The following MARCHF8 variants were observed in gnomAD, a reference collection of about 807,000 sequenced individuals.
MARCHF8 encodes the protein membrane associated ring-CH-type finger 8, also known as E3 ubiquitin-protein ligase MARCHF8.
Under a neutral mutation model 51.6 loss-of-function variants are expected in MARCHF8, and 40 were observed. That is an observed-to-expected ratio of 0.77 (90% CI 0.60 to 1.01). MARCHF8 has a LOEUF of 1.01. Ranked by LOEUF, MARCHF8 falls within the 50% of genes least tolerant of loss-of-function variation. The pLI, the probability that MARCHF8 is intolerant of heterozygous loss-of-function variation, is 0.00. For synonymous variants in MARCHF8, 263 were observed against 280.3 expected (o/e 0.94, Z 0.62); for missense variants, 685 against 708.6 (o/e 0.97, Z 0.38).
Position 45,507,725 on chromosome 10 carries a change from G to A in MARCHF8, c.103-18308C>T, listed in dbSNP as rs147730300. On this transcript the variant is annotated intron_variant, in intron 2 of 7. Transcript: ENST00000453424. Reference sequence around the variant, plus strand: ...GACAAATATCCAAACTACATCAGCTGTAAAGGACAAAAATTGATATAGAAA... The same window carrying A: ...GACAAATATCCAAACTACATCAGCTATAAAGGACAAAAATTGATATAGAAA... 3.8e-3 allele frequency among the ~76,000 whole-genome samples: 569 copies of A among 151,224 alleles called. 7 individuals carry two copies. The highest frequency in any genetic ancestry group is 0.013 in the African/African-American group (528 of 41,172).
At chr10:45,512,290 A>C (rs1399714938) in intron 2 of MARCHF8, among the ~76,000 whole-genome samples, 1 of 141,716 alleles carries the variant, frequency 7.1e-6, no homozygotes, top group African/African-American at 2.7e-5. Flanking sequence ...CCCGGCAGCC[A>C]CCCCGTCTGG....
chr10:45,515,568 C>A (rs2043604382), intron 2 of MARCHF8, among the ~76,000 whole-genome samples: 1 of 152,168 alleles, frequency 6.6e-6, no homozygotes, highest in Non-Finnish European at 1.5e-5. Context: ...TTATACTATT[C>A]CACAGTAGAT....
At chr10:45,460,088 A>T (rs1842741207) in intron 6 of MARCHF8, among the ~76,000 whole-genome samples, 1 of 152,184 alleles carries the variant, frequency 6.6e-6, no homozygotes, top group Non-Finnish European at 1.5e-5. Context: ...ACTGGGCAAA[A>T]CATTTTTTTA....
At chr10:45,467,210 G>A (rs72796494) in intron 3 of MARCHF8, among the ~76,000 whole-genome samples, 2,390 of 152,274 alleles carry the variant, frequency 0.016, 26 homozygotes, top group Non-Finnish European at 0.026. Flanking sequence ...AGGTATGTCC[G>A]ATCCTCATCA....
chr10:45,532,923 G>C (rs1464086178), intron 2 of MARCHF8, among the ~76,000 whole-genome samples, 187 bp downstream of exon 2: 1 of 152,142 alleles, frequency 6.6e-6, no homozygotes. Context: ...ATAAACAGTA[G>C]TTTACACCAA....
chr10:45,473,406 CAG>C (rs2042729855), intron 3 of MARCHF8, among the ~76,000 whole-genome samples: 2 of 152,236 alleles, frequency 1.3e-5, no homozygotes, highest in South Asian at 4.1e-4. Flanking sequence ...AGGGGGCTGG[CAG>C]AGAGATACTC....
In MARCHF8 at chr10:45,529,226, T is replaced by C. The variant is rs1072740; in HGVS notation, c.102+3884A>G. On this transcript the variant is annotated intron_variant, in intron 2 of 7. Transcript: ENST00000453424. Reference sequence around the variant, plus strand: ...ACTAGTGGAAGAACACCCTATTCTATACATGATACTTGGGAGAATTGGGTA... The same window carrying C: ...ACTAGTGGAAGAACACCCTATTCTACACATGATACTTGGGAGAATTGGGTA... 4.8e-3 allele frequency among the ~76,000 whole-genome samples: 735 copies of C among 152,304 alleles called. 4 individuals are homozygous for C. The highest frequency in any genetic ancestry group is 0.017 in the African/African-American group (710 of 41,566).
chr10:45,545,251 C>G (rs763605895), intron 1 of MARCHF8, among the ~76,000 whole-genome samples: 2 of 152,240 alleles, frequency 1.3e-5, no homozygotes, highest in Non-Finnish European at 2.9e-5. Flanking sequence ...TTGTATCTCT[C>G]TTTCTGTGGC....
At chr10:45,508,361 AAAC>A (rs2043427273) in intron 2 of MARCHF8, among the ~76,000 whole-genome samples, 2 of 151,426 alleles carry the variant, frequency 1.3e-5, no homozygotes, top group Admixed American at 1.3e-4. Flanking sequence ...AAAGTACTGG[AAAC>A]AATTGTGTTT....
chr10:45,499,764 G>C (rs1417470695), intron 2 of MARCHF8, among the ~76,000 whole-genome samples: 1 of 151,970 alleles, frequency 6.6e-6, no homozygotes, highest in African/African-American at 2.4e-5. Flanking sequence ...CTTTATTTCT[G>C]GGACTCTCTA....
intron 3 of MARCHF8, among the ~76,000 whole-genome samples, chr10:45,478,965 T>C (rs553800726): frequency 1.0e-3 from 158 of 152,164 alleles, no homozygotes; most frequent in Non-Finnish European, 1.9e-3. Context: ...TCCAAAAAAC[T>C]GAAGAAGAGA....
chr10:45,507,923 T>G (rs1433931365), intron 2 of MARCHF8, among the ~76,000 whole-genome samples: 1 of 152,216 alleles, frequency 6.6e-6, no homozygotes, highest in Non-Finnish European at 1.5e-5. Context: ...AAAATTTTCT[T>G]GGATTATTGA....
chr10:45,459,780 G>A (rs1842727849), intron 6 of MARCHF8: 2 of 985,254 alleles, frequency 2.0e-6, no homozygotes, highest in African/African-American at 1.7e-5. Flanking sequence ...GCTCGAAATC[G>A]ACGCTAAGAG....
rs573560762 is a variant in MARCHF8 at position 45,503,863 on chromosome 10, G to A, written c.103-14446C>T. On this transcript the variant is annotated intron_variant, in intron 2 of 7. Transcript: ENST00000453424. ...ACATTATGCTATGTATGTAAAAGAAGCCAGTAGCAAAAGATCATATATTAT... is the reference window on the plus strand; with the variant it reads ...ACATTATGCTATGTATGTAAAAGAAACCAGTAGCAAAAGATCATATATTAT... Among the ~76,000 whole-genome samples, 4 of 151,770 alleles carry A rather than the reference G, an allele frequency of 2.6e-5. No individual in the cohort carries two copies. In the South Asian group the frequency reaches 6.2e-4, roughly 24 times the overall value.
rs2132890639 is a variant in MARCHF8, at chr10:45,456,161, C to T, written c.*2078G>A. ...AACCAGGGGCCTTGCCTGGGCAGTTCCTAAGGGACATTGGCAGGGCTGACC... is the reference window on the plus strand; with the variant it reads ...AACCAGGGGCCTTGCCTGGGCAGTTTCTAAGGGACATTGGCAGGGCTGACC... On this transcript the variant is annotated 3_prime_UTR_variant, in exon 8 of 8. Coordinates refer to ENST00000453424, the MANE Select transcript of MARCHF8 (RefSeq NM_001282866.2). The T allele has an allele frequency of 6.6e-6, 1 of 152,466 alleles. No individual in the cohort carries two copies. Among genetic ancestry groups the T allele is most frequent in the East Asian group, 1.9e-4 (1 of 5,186 alleles). The allele number at this position is 152,466 out of a possible 1,614,324, so 9.4% of individuals were successfully genotyped here. A position where few individuals can be genotyped will look rare whatever the true frequency, so the allele number is the denominator to read the frequency against.
At chr10:45,574,819 T>C (rs573322486) in intron 1 of MARCHF8, among the ~76,000 whole-genome samples, 15 of 152,152 alleles carry the variant, frequency 9.9e-5, no homozygotes, top group Admixed American at 5.2e-4. Flanking sequence ...ACCTGATGCA[T>C]ATACTTTCTG....
intron 2 of MARCHF8, among the ~76,000 whole-genome samples, chr10:45,532,706 C>G (rs950587534): frequency 6.6e-6 from 1 of 152,142 alleles, no homozygotes; most frequent in African/African-American, 2.4e-5. Flanking sequence ...TTTAAACCAC[C>G]CAGGCTATGG....
chr10:45,467,719 C>CT (rs1225720853), intron 3 of MARCHF8, among the ~76,000 whole-genome samples: 1 of 152,052 alleles, frequency 6.6e-6, no homozygotes, highest in Non-Finnish European at 1.5e-5. Flanking sequence ...ACCAGCCGTC[C>CT]TGCTCTTTCT....
At chr10:45,545,025 C>T (rs9422439) in intron 1 of MARCHF8, among the ~76,000 whole-genome samples, 9,376 of 152,226 alleles carry the variant, frequency 0.062, 332 homozygotes, top group Non-Finnish European at 0.066. Context: ...CAACACTCTT[C>T]CTTCCCCTTT....
Sources: gnomAD v4.1 joint callset for allele counts (sites outside exome capture counted in the v4.1 genomes callset) on GRCh38, gnomAD v4.1.1 for gene constraint, MANE v1.5 for transcripts, NCBI Gene and HGNC (gene_info 2026-07-23, HGNC 2026-07-21) for gene names.